PTPRG: variants seen among roughly 807,000 people sequenced by gnomAD.
PTPRG encodes receptor-type tyrosine-protein phosphatase gamma.
A neutral mutation model predicts 165.3 loss-of-function variants in PTPRG; 102 were observed. The observed-to-expected ratio is 0.62, with a 90% CI of 0.53 to 0.73. The LOEUF is 0.73. Among genes scored for constraint, PTPRG ranks in the 30% least tolerant of loss-of-function variants. The probability of loss-of-function intolerance (pLI) is 0.00; values close to 1 mark genes in which losing one functional copy is unlikely to be tolerated. For missense variants in PTPRG, 1,866 were observed against 1,861.4 expected, an observed-to-expected ratio of 1.00 and a Z score of -0.05; for synonymous variants, 675 against 669.5, an observed-to-expected ratio of 1.01 and a Z score of -0.13.
Position 62,203,358 on chromosome 3 carries a change from C to A in PTPRG, c.1563C>A (p.Phe521Leu). The part of the protein sequence containing the change: ...VTSTLLAGLG[F>L]GGGGISSFPS... ...GCACGCTGCTCGCCGGCCTGGGGTT[C>A]GGCGGTGGTGGCATCTCCTCTTTCC... The change falls in exon 12 of 30, where the codon TTC becomes TTA. Residue 521 changes from phenylalanine (F) to leucine (L), a missense_variant. Phe to Leu is a conservative substitution (Grantham distance 22). Coordinates refer to ENST00000474889, the MANE Select transcript of PTPRG (RefSeq NM_002841.4). This position sits in a 1 kb window ranked among gnomAD's most constrained non-coding sequence, Gnocchi z 6.4. The A allele has an allele frequency of 3.7e-6, 6 of 1,613,150 alleles. No homozygotes were observed. Among genetic ancestry groups the A allele is most frequent in the Non-Finnish European group, 5.1e-6 (6 of 1,179,606 alleles).
chr3:62,236,755 A>G (rs1423468124), intron 14 of PTPRG, among the ~76,000 whole-genome samples: 2 of 152,158 alleles, frequency 1.3e-5, no homozygotes, highest in Non-Finnish European at 2.9e-5. Context: ...CTGGGTTTTC[A>G]TATGAGTCTG....
In PTPRG at chr3:62,272,927, G is replaced by GTGTC. The variant is rs772255591; in HGVS notation, c.3183-17_3183-14dup. 6 of 1,568,706 alleles carry GTGTC rather than the reference G, an allele frequency of 3.8e-6. No homozygotes were observed. The South Asian group carries it at 7.2e-5, about 19-fold the overall frequency. ...ATGATAAAACAAAAGTGCCAGTTGA[G>GTGTC]TGTCTTCATTTCTTACAGTGCTGGT... On this transcript the variant is annotated intron_variant, in intron 21 of 29. Coordinates refer to ENST00000474889, the MANE Select transcript of PTPRG (RefSeq NM_002841.4).
chr3:61,846,141 A>G (rs1559645888), intron 2 of PTPRG, among the ~76,000 whole-genome samples: 1 of 152,212 alleles, frequency 6.6e-6, no homozygotes, highest in Admixed American at 6.5e-5. Context: ...AGCACTCACT[A>G]CGGTGTCTAA....
Position 61,866,582 on chromosome 3 carries a change from C to CTTTTTTTTTTTTTTTTTTTT in PTPRG, c.190+117617_190+117636dup, listed in dbSNP as rs532356516. ...TTCCCTGGCTTTGGAACTGTTTGCT[C>CTTTTTTTTTTTTTTTTTTTT]TTTTTTTTTTTTTTTTTTTTTTTTT... is the stretch of plus-strand genomic sequence containing the variant. On this transcript the variant is annotated intron_variant, in intron 2 of 29. Coordinates refer to ENST00000474889, the MANE Select transcript of PTPRG (RefSeq NM_002841.4). Among the ~76,000 whole-genome samples, 10 of 69,110 alleles carry CTTTTTTTTTTTTTTTTTTTT rather than the reference C, an allele frequency of 1.4e-4. 2 individuals carry two copies. The highest frequency in any genetic ancestry group is 3.4e-4 in the African/African-American group (8 of 23,464). 45.3% of individuals were successfully genotyped at this position (69,110 alleles called of 152,430 possible). A position where few individuals can be genotyped will look rare whatever the true frequency, so the allele number is the denominator to read the frequency against.
intron 2 of PTPRG, among the ~76,000 whole-genome samples, chr3:61,759,340 A>C (rs1425299876): frequency 6.6e-6 from 1 of 152,052 alleles, no homozygotes; most frequent in Admixed American, 6.6e-5. Flanking sequence ...CTCACTTTTC[A>C]TTCATGTCAC....
chr3:61,680,418 A>G (rs1346304115), intron 1 of PTPRG, among the ~76,000 whole-genome samples: 2 of 151,418 alleles, frequency 1.3e-5, no homozygotes, highest in Admixed American at 1.3e-4. Context: ...GAGTATCAAG[A>G]GAAGCAAGAA....
chr3:61,873,439 AAAAT>A (rs1286654082), intron 2 of PTPRG, among the ~76,000 whole-genome samples: 8 of 152,336 alleles, frequency 5.3e-5, no homozygotes, highest in South Asian at 2.1e-4. Context: ...TAGTAGCAAA[AAAAT>A]ATAGACATAG....
intron 1 of PTPRG, among the ~76,000 whole-genome samples, chr3:61,614,833 T>G (rs1467746300): frequency 6.6e-6 from 1 of 152,152 alleles, no homozygotes; most frequent in Non-Finnish European, 1.5e-5. Context: ...TGTGGCACAG[T>G]TTTGTTATAA....
intron 15 of PTPRG, among the ~76,000 whole-genome samples, chr3:62,250,098 T>A (rs1455637634): frequency 1.3e-5 from 2 of 152,110 alleles, no homozygotes; most frequent in Non-Finnish European, 2.9e-5. Flanking sequence ...TGTTATCTTG[T>A]TTACTTTTCA....
chr3:61,948,015 C>T (rs2039806187), intron 2 of PTPRG, among the ~76,000 whole-genome samples: 1 of 151,946 alleles, frequency 6.6e-6, no homozygotes, highest in South Asian at 2.1e-4. Flanking sequence ...AACACGTATC[C>T]CATAGGAAAT....
At chr3:62,177,616 C>G (rs947459358) in intron 8 of PTPRG, among the ~76,000 whole-genome samples, 5 of 152,034 alleles carry the variant, frequency 3.3e-5, no homozygotes, top group Admixed American at 6.6e-5. Flanking sequence ...GTCCTGTCCC[C>G]CTCTCCAGCC....
intron 1 of PTPRG, among the ~76,000 whole-genome samples, chr3:61,726,158 A>G (rs2032246409): frequency 6.6e-6 from 1 of 152,210 alleles, no homozygotes; most frequent in Non-Finnish European, 1.5e-5. Context: ...TGTGACATAA[A>G]TCTGCACAGA....
At chr3:62,170,672 A>G (rs116335484) in intron 8 of PTPRG, among the ~76,000 whole-genome samples, 2 of 152,316 alleles carry the variant, frequency 1.3e-5, no homozygotes, top group Non-Finnish European at 2.9e-5. Context: ...TGTTTGAATT[A>G]TCATAGTGCT....
intron 8 of PTPRG, 104 bp from the exon 9 acceptor site, chr3:62,191,365 C>T: frequency 9.9e-7 from 1 of 1,007,094 alleles, no homozygotes. Context: ...ATGGGTGCTT[C>T]CTGTATTACT....
chr3:61,925,397 A>G (rs2039182581), intron 2 of PTPRG, among the ~76,000 whole-genome samples: 1 of 152,186 alleles, frequency 6.6e-6, no homozygotes, highest in Non-Finnish European at 1.5e-5. Flanking sequence ...AGCTGAGGGA[A>G]AATGAAAAAC....
chr3:61,752,773 G>A (rs1359001131), intron 2 of PTPRG, among the ~76,000 whole-genome samples: 1 of 73,198 alleles, frequency 1.4e-5, no homozygotes, highest in African/African-American at 4.7e-5. Context: ...GGGTGATAGA[G>A]CAAGACTGTC....
intron 28 of PTPRG, among the ~76,000 whole-genome samples, chr3:62,285,209 C>T (rs535810684): frequency 1.4e-4 from 22 of 152,226 alleles, no homozygotes; most frequent in African/African-American, 5.3e-4. Context: ...AGTATTTGCA[C>T]GAACGGGTAT....
chr3:61,726,871 T>C (rs1400960985), intron 1 of PTPRG, among the ~76,000 whole-genome samples: 1 of 151,868 alleles, frequency 6.6e-6, no homozygotes, highest in Non-Finnish European at 1.5e-5. Flanking sequence ...CGCAGTGAAA[T>C]CCCGTCTCTA....
intron 4 of PTPRG, among the ~76,000 whole-genome samples, chr3:62,041,746 C>A (rs952272780): frequency 6.6e-6 from 1 of 151,740 alleles, no homozygotes; most frequent in Non-Finnish European, 1.5e-5. Flanking sequence ...TGGTAATGAT[C>A]ATTGTGATGG....
Sources: gnomAD v4.1 joint callset for allele counts (sites outside exome capture counted in the v4.1 genomes callset) on GRCh38, gnomAD v4.1.1 for gene constraint, Gnocchi (gnomAD v3.1) non-coding constraint, MANE v1.5 for transcripts, NCBI Gene and HGNC (gene_info 2026-07-23, HGNC 2026-07-21) for gene names.